The following CAPZA1 variants were observed in gnomAD, a reference collection of about 807,000 sequenced individuals.
The protein encoded by CAPZA1 is capping actin protein of muscle Z-line subunit alpha 1.
CAPZA1 carries 10 observed loss-of-function variants against 40.8 expected under a neutral mutation model. That is an observed-to-expected ratio of 0.25 (90% confidence interval 0.15 to 0.42). The LOEUF (loss-of-function observed/expected upper bound fraction) is 0.42. Among genes scored for constraint, CAPZA1 ranks in the 10% least tolerant of loss-of-function variants. The pLI, the probability that CAPZA1 is intolerant of heterozygous loss-of-function variation, is 1.00. For synonymous variants in CAPZA1, 98 were observed against 115.0 expected (o/e 0.85, Z 0.95); for missense variants, 277 against 353.8 (o/e 0.78, Z 1.74).
At chr1:112,667,202 T>C in intron 8 of CAPZA1, 57 bp downstream of exon 8, 1 of 1,286,522 alleles carries the variant, frequency 7.8e-7, no homozygotes, top group Non-Finnish European at 1.1e-6. Flanking sequence ...CTTTAAAAAA[T>C]TAGTTTTGAT....
intron 1 of CAPZA1, among the ~76,000 whole-genome samples, chr1:112,623,020 G>C (rs1670709918): frequency 6.6e-6 from 1 of 151,878 alleles, no homozygotes; most frequent in Admixed American, 6.6e-5. Context: ...CAAGTAGCTG[G>C]GATTACAGGC....
rs778554493 is a variant in CAPZA1 at position 112,623,266 on chromosome 1, C to T, written c.39+3383C>T. ...GTTACCATTGTAGGATAAAGCAAGC[C>T]CTAAAGATTGTTTGGTGTGGCTGTT... On this transcript the variant is annotated intron_variant, in intron 1 of 9. Coordinates refer to ENST00000263168, the MANE Select transcript of CAPZA1 (RefSeq NM_006135.3). 9.9e-5 allele frequency among the ~76,000 whole-genome samples: 15 copies of T among 152,182 alleles called. No homozygotes were observed. The South Asian group carries it at 2.1e-3, about 21-fold the overall frequency.
chr1:112,640,201 C>T (rs1671119624), intron 1 of CAPZA1, among the ~76,000 whole-genome samples: 1 of 124,448 alleles, frequency 8.0e-6, no homozygotes, highest in African/African-American at 3.1e-5. Flanking sequence ...GGGGTCAGCC[C>T]CCCGCCCGGC....
At chr1:112,640,006 G>A in intron 1 of CAPZA1, among the ~76,000 whole-genome samples, 1 of 133,120 alleles carries the variant, frequency 7.5e-6, no homozygotes, top group African/African-American at 2.8e-5. Flanking sequence ...CGTCCGGGAG[G>A]GAGGTGGGGG....
At chr1:112,651,558 C>T (rs1448099167) in intron 3 of CAPZA1, among the ~76,000 whole-genome samples, 1 of 152,204 alleles carries the variant, frequency 6.6e-6, no homozygotes, top group Non-Finnish European at 1.5e-5. Context: ...AAAGATCACC[C>T]CAAGTTTTTG....
chr1:112,643,967 C>T (rs1671231476), intron 1 of CAPZA1, among the ~76,000 whole-genome samples: 1 of 152,016 alleles, frequency 6.6e-6, no homozygotes, highest in East Asian at 1.9e-4. Context: ...GCCTCAGCCT[C>T]TCAAGTAGCT....
At chr1:112,623,663 AG>A (rs1375378122) in intron 1 of CAPZA1, among the ~76,000 whole-genome samples, 2 of 148,938 alleles carry the variant, frequency 1.3e-5, no homozygotes, top group East Asian at 2.0e-4. Context: ...CCTGGGCAAC[AG>A]GAGCGAAACT....
chr1:112,634,448 G>T (rs6691025), intron 1 of CAPZA1, among the ~76,000 whole-genome samples: 119,215 of 151,994 alleles, frequency 0.78, 46,983 homozygotes, highest in South Asian at 0.88. Flanking sequence ...GGATTATTAT[G>T]ATGGCAATGA....
At chr1:112,622,883 CTTTT>C (rs1185251876) in intron 1 of CAPZA1, among the ~76,000 whole-genome samples, 2 of 139,632 alleles carry the variant, frequency 1.4e-5, no homozygotes, top group African/African-American at 5.2e-5. Flanking sequence ...ATATTTTATA[CTTTT>C]TTTTTTTTTT....
At chr1:112,629,322 T>C (rs542744524) in intron 1 of CAPZA1, among the ~76,000 whole-genome samples, 186 of 152,360 alleles carry the variant, frequency 1.2e-3, no homozygotes, top group Admixed American at 1.8e-3. Context: ...TCTCTGGTTA[T>C]TCTGTCCAGT....
chr1:112,657,932 CT>C (rs1003190164), intron 5 of CAPZA1, among the ~76,000 whole-genome samples: 162 of 152,190 alleles, frequency 1.1e-3, no homozygotes, highest in African/African-American at 3.6e-3. Flanking sequence ...TTTTTTTCCC[CT>C]ACCTTTGTAA....
chr1:112,635,818 T>G (rs1251742713), intron 1 of CAPZA1, among the ~76,000 whole-genome samples: 1 of 152,060 alleles, frequency 6.6e-6, no homozygotes, highest in Admixed American at 6.5e-5. Flanking sequence ...GATCATGAGG[T>G]CAGGAGTTCG....
intron 1 of CAPZA1, among the ~76,000 whole-genome samples, chr1:112,641,358 T>G (rs533882604): frequency 2.2e-4 from 33 of 152,272 alleles, no homozygotes; most frequent in Non-Finnish European, 2.8e-4. Context: ...GTACTAGAGA[T>G]AGTCCCAGTT....
intron 1 of CAPZA1, among the ~76,000 whole-genome samples, chr1:112,643,438 T>C (rs1417773543): frequency 1.3e-5 from 2 of 152,222 alleles, no homozygotes; most frequent in African/African-American, 4.8e-5. Context: ...AAGAATATTC[T>C]AACATGTATT....
chr1:112,647,299 C>T (rs1375848594), intron 2 of CAPZA1, 26 bp downstream of exon 2: 3 of 1,228,960 alleles, frequency 2.4e-6, no homozygotes, highest in East Asian at 2.6e-5. Flanking sequence ...TATTTTAATC[C>T]CTCCTTAATT....
At chr1:112,659,854 A>G in intron 7 of CAPZA1, 75 bp downstream of exon 7, 1 of 1,109,178 alleles carries the variant, frequency 9.0e-7, no homozygotes. Flanking sequence ...GGTATTAAAT[A>G]AGGACCAAGT....
rs902032943 is a variant in CAPZA1, at chr1:112,653,793, C to A, written c.219+132C>A. On this transcript the variant is annotated intron_variant, in intron 4 of 9. Coordinates refer to ENST00000263168, the MANE Select transcript of CAPZA1 (RefSeq NM_006135.3). ...TTTTATAGTTTTTGTGTGTACTGTACGTGTTAGGATATTCTTCTCTTTCTC... is the reference window on the plus strand; with the variant it reads ...TTTTATAGTTTTTGTGTGTACTGTAAGTGTTAGGATATTCTTCTCTTTCTC... 8.0e-6 allele frequency: 5 copies of A among 625,520 alleles called. No homozygotes were observed. The East Asian group carries it at 1.4e-4, about 18-fold the overall frequency. The allele number at this position is 625,520 out of a possible 1,614,324, so 38.7% of individuals were successfully genotyped here. A position where few individuals can be genotyped will look rare whatever the true frequency, so the allele number is the denominator to read the frequency against.
chr1:112,646,236 C>T (rs192113514), intron 1 of CAPZA1, among the ~76,000 whole-genome samples: 2 of 152,230 alleles, frequency 1.3e-5, no homozygotes, highest in Admixed American at 1.3e-4. Flanking sequence ...CCCTCTAATA[C>T]AGTGGTGAAT....
At position 112,669,566 on chromosome 1, in the gene CAPZA1, G is replaced by T. The variant is rs1187983743; in HGVS notation, c.681G>T (p.Glu227Asp). The change falls in exon 9 of 10, where the codon GAG becomes GAT. Residue 227 changes from glutamate (E) to aspartate (D), a missense_variant. By Grantham distance (45) the Glu-to-Asp change is conservative. This residue lies in a region of CAPZA1 where 192 missense variants were observed against 277.2 expected (regional missense o/e 0.69). Coordinates refer to ENST00000263168, the MANE Select transcript of CAPZA1 (RefSeq NM_006135.3). ...AGAATGAAGCCCAAACTGCCAAGGA[G>T]TTTATTAAAATCATAGAGAATGCAG... ...TVSNEAQTAK[E>D]FIKIIENAEN... The T allele has an allele frequency of 6.2e-7, 1 of 1,611,176 alleles. No individual in the cohort carries two copies. The highest frequency in any genetic ancestry group is 2.2e-5 in the East Asian group (1 of 44,824).
Sources: allele counts gnomAD v4.1 joint callset (sites outside exome capture counted in the v4.1 genomes callset), GRCh38; gene constraint gnomAD v4.1.1; regional missense constraint gnomAD v4.1.1; transcripts MANE v1.5; gene names NCBI Gene and HGNC (gene_info 2026-07-23, HGNC 2026-07-21).